The following MARS2 variants were observed in gnomAD, a reference collection of about 807,000 sequenced individuals.
MARS2 encodes methionine--tRNA ligase, mitochondrial.
In MARS2, 33 loss-of-function variants were observed where a neutral mutation model predicts 43.8. The observed-to-expected ratio is 0.75, with a 90% CI of 0.57 to 1.01. The LOEUF is 1.01. Among genes scored for constraint, MARS2 ranks in the 50% least tolerant of loss-of-function variants. MARS2 has a pLI of 0.00. For missense variants in MARS2, 720 were observed against 763.0 expected, an observed-to-expected ratio of 0.94 and a Z score of 0.66; for synonymous variants, 351 against 325.5, an observed-to-expected ratio of 1.08 and a Z score of -0.84.
chr2:197,706,787 CA>C lies in MARS2; in HGVS notation c.1383del (p.Asp462ThrfsTer34), dbSNP rs1239089255. The C allele has an allele frequency of 6.2e-7, 1 of 1,614,140 alleles. No homozygotes were observed. The highest frequency in any genetic ancestry group is 2.2e-5 in the East Asian group (1 of 44,892). The part of the protein sequence containing the change: ...SAVATLPKQV[A>X]DHYDNFRIYK... The stretch of plus-strand genomic sequence containing the variant: ...GTGGCCACTTTGCCAAAGCAGGTAG[CA>C]GACCACTATGATAACTTTCGGATAT... On this transcript the variant is annotated frameshift_variant, in exon 1 of 1. Transcript: ENST00000282276. LOFTEE classifies it high-confidence loss of function.
chr2:197,706,352 A>G lies in MARS2; in HGVS notation c.947A>G (p.His316Arg). Residue 316 changes from histidine to arginine, a missense_variant, in exon 1 of 1, where the codon CAT becomes CGT. His to Arg is a conservative substitution (Grantham distance 29). Coordinates refer to ENST00000282276, the MANE Select transcript of MARS2 (RefSeq NM_138395.4). ...HIIGKDILKF[H>R]AIYWPAFLLG... Reference sequence around the variant, plus strand: ...ATAGGTAAGGACATTCTCAAATTCCATGCCATCTATTGGCCTGCCTTCCTG... The same window carrying G: ...ATAGGTAAGGACATTCTCAAATTCCGTGCCATCTATTGGCCTGCCTTCCTG... 6.2e-7 allele frequency: 1 copy of G among 1,614,264 alleles called. No homozygotes were observed. Among genetic ancestry groups the G allele is most frequent in the Non-Finnish European group, 8.5e-7 (1 of 1,180,056 alleles).
At position 197,705,440 on chromosome 2, in the gene MARS2, G is replaced by C; in HGVS notation, c.35G>C (p.Arg12Pro). The change falls in exon 1 of 1, where the codon CGC (arginine) becomes CCC (proline). Residue 12 changes from arginine to proline, a missense_variant. Coordinates refer to ENST00000282276, the MANE Select transcript of MARS2 (RefSeq NM_138395.4). ...LRTSVLRLLGRTGASRLSLLE... is the reference protein window; with the variant it reads ...LRTSVLRLLGPTGASRLSLLE... ...ACGTCCGTCCTCCGCCTGCTAGGACGCACGGGGGCTAGTAGGCTGTCTCTC... is the reference window on the plus strand; with the variant it reads ...ACGTCCGTCCTCCGCCTGCTAGGACCCACGGGGGCTAGTAGGCTGTCTCTC... 1 of 1,612,116 alleles carries C rather than the reference G, an allele frequency of 6.2e-7. No homozygotes were observed. Among genetic ancestry groups the C allele is most frequent in the Non-Finnish European group, 8.5e-7 (1 of 1,179,746 alleles).
chr2:197,705,730 G>A lies in MARS2; in HGVS notation c.325G>A (p.Ala109Thr), dbSNP rs1365896797. ...IQQAAATAGL[A>T]PTELCDRVSE... Reference sequence around the variant, plus strand: ...GCAGGCAGCAGCTACCGCGGGCCTGGCCCCGACCGAGCTGTGCGACCGAGT... The same window carrying A: ...GCAGGCAGCAGCTACCGCGGGCCTGACCCCGACCGAGCTGTGCGACCGAGT... Residue 109 changes from alanine to threonine, a missense_variant, in exon 1 of 1, where the codon GCC becomes ACC. Transcript: ENST00000282276. The A allele has an allele frequency of 1.2e-6, 2 of 1,611,798 alleles. No individual in the cohort carries two copies. Among genetic ancestry groups the A allele is most frequent in the Admixed American group, 3.3e-5 (2 of 59,994 alleles).
rs768592476 is a variant in MARS2 at position 197,706,719 on chromosome 2, G to T, written c.1314G>T (p.Pro438=). The T allele has an allele frequency of 6.2e-7, 1 of 1,613,954 alleles. No homozygotes were observed. The highest frequency in any genetic ancestry group is 2.2e-5 in the East Asian group (1 of 44,888). ...CFPSEPGLVG[P]SVRAQAEDYA... ...CTAGTGAGCCAGGGTTGGTGGGGCC[G>T]TCAGTTCGTGCTCAGGCAGAGGATT... Residue 438 remains proline (P), a synonymous_variant, in exon 1 of 1, where the codon CCG becomes CCT. Coordinates refer to ENST00000282276, the MANE Select transcript of MARS2 (RefSeq NM_138395.4).
In MARS2 at chr2:197,705,988, G is replaced by C; in HGVS notation, c.583G>C (p.Val195Leu). 6.2e-7 allele frequency: 1 copy of C among 1,614,194 alleles called. No homozygotes were observed. Among genetic ancestry groups the C allele is most frequent in the Non-Finnish European group, 8.5e-7 (1 of 1,180,042 alleles). Reference protein sequence around the residue: ...QPGPSGDSFPVSLESGHPVSW... With the variant: ...QPGPSGDSFPLSLESGHPVSW... ...GGGCCCATCGGGGGATTCGTTTCCT[G>C]TATCTCTCGAGAGCGGGCATCCAGT... Residue 195 changes from valine to leucine, a missense_variant, in exon 1 of 1, where the codon GTA becomes CTA. Coordinates refer to ENST00000282276, the MANE Select transcript of MARS2 (RefSeq NM_138395.4).
Position 197,706,194 on chromosome 2 carries a change from CT to C in MARS2, c.790del (p.Trp264GlyfsTer26). 1 of 1,614,248 alleles carries C rather than the reference CT, an allele frequency of 6.2e-7. No individual in the cohort carries two copies. The highest frequency in any genetic ancestry group is 8.5e-7 in the Non-Finnish European group (1 of 1,180,042). On this transcript the variant is annotated frameshift_variant, in exon 1 of 1. Transcript: ENST00000282276. LOFTEE classifies it high-confidence loss of function. ...TGTCTCGCAGAAGTAGCCACTTGCA[CT>C]GGGGCATTCCGGTGCCCGGGGATGA... is the stretch of plus-strand genomic sequence containing the variant. ...SVSRRSSHLH[W>X]GIPVPGDDSQ...
rs760123109 is a variant in MARS2, at chr2:197,706,242, G to A, written c.837G>A (p.Trp279Ter). The change falls in exon 1 of 1, where the codon TGG becomes TGA. Residue 279 changes from tryptophan (W) to a stop codon, truncating the protein, a stop_gained. Coordinates refer to ENST00000282276, the MANE Select transcript of MARS2 (RefSeq NM_138395.4). LOFTEE classifies it high-confidence loss of function. ...PGDDSQTIYV[W>*]LDALVNYLTV... The stretch of plus-strand genomic sequence containing the variant: ...ATGATTCGCAGACCATCTATGTATG[G>A]CTGGATGCCCTGGTCAACTACCTCA... The A allele has an allele frequency of 5.6e-6, 9 of 1,614,132 alleles. No homozygotes were observed. Among genetic ancestry groups the A allele is most frequent in the Non-Finnish European group, 6.8e-6 (8 of 1,180,056 alleles).
rs2089469782 is a variant in MARS2, at chr2:197,705,811, AT to A, written c.407del (p.Ile136ThrfsTer106). The A allele has an allele frequency of 6.2e-7, 1 of 1,613,574 alleles. No homozygotes were observed. Among genetic ancestry groups the A allele is most frequent in the African/African-American group, 1.3e-5 (1 of 74,914 alleles). On this transcript the variant is annotated frameshift_variant, in exon 1 of 1. Transcript: ENST00000282276. LOFTEE classifies it high-confidence loss of function. Reference sequence around the variant, plus strand: ...GGCCGGTATCTCCTGCACAGATTTCATCCGCACCACGGAGGCCCGGCACCGG... The same window carrying A: ...GGCCGGTATCTCCTGCACAGATTTCACCGCACCACGGAGGCCCGGCACCGG... Reference protein sequence around the residue: ...QEAGISCTDFIRTTEARHRVA... With the variant: ...QEAGISCTDFXRTTEARHRVA...
At position 197,705,948 on chromosome 2, in the gene MARS2, G is replaced by C; in HGVS notation, c.543G>C (p.Lys181Asn). Residue 181 changes from lysine to asparagine, a missense_variant, in exon 1 of 1, where the codon AAG becomes AAC. Transcript: ENST00000282276. Reference protein sequence around the residue: ...ASDECFLPEAKVTQQPGPSGD... With the variant: ...ASDECFLPEANVTQQPGPSGD... ...ACGAGTGCTTCCTGCCTGAGGCCAA[G>C]GTCACCCAGCAGCCGGGCCCATCGG... is the stretch of plus-strand genomic sequence containing the variant. The C allele has an allele frequency of 6.2e-7, 1 of 1,614,168 alleles. No homozygotes were observed. Among genetic ancestry groups the C allele is most frequent in the Non-Finnish European group, 8.5e-7 (1 of 1,180,022 alleles).
chr2:197,705,661 A>T lies in MARS2; in HGVS notation c.256A>T (p.Thr86Ser), dbSNP rs765377144. 5 of 1,611,498 alleles carry T rather than the reference A, an allele frequency of 3.1e-6. No individual in the cohort carries two copies. In the East Asian group the frequency reaches 1.1e-4, roughly 36 times the overall value. Residue 86 changes from threonine (T) to serine (S), a missense_variant, in exon 1 of 1, where the codon ACG (threonine) becomes TCG (serine). By Grantham distance (58) the Thr-to-Ser change is moderately conservative. Transcript: ENST00000282276. ...RRLRGPSTAATRFSTGTDEHG... is the reference protein window; with the variant it reads ...RRLRGPSTAASRFSTGTDEHG... ...CCTCCGAGGTCCCAGCACGGCCGCC[A>T]CGCGATTCTCCACTGGTACCGACGA...
Position 197,705,827 on chromosome 2 carries a change from C to T in MARS2, c.422C>T (p.Ala141Val), listed in dbSNP as rs1395940020. The T allele has an allele frequency of 2.0e-5, 33 of 1,613,732 alleles. No individual in the cohort carries two copies. Among genetic ancestry groups the T allele is most frequent in the Non-Finnish European group, 2.8e-5 (33 of 1,180,050 alleles). ...ACAGATTTCATCCGCACCACGGAGG[C>T]CCGGCACCGGGTGGCTGTGCAGCAC... ...SCTDFIRTTE[A>V]RHRVAVQHFW... is the part of the protein sequence containing the mutation. The change falls in exon 1 of 1, where the codon GCC becomes GTC. Residue 141 changes from alanine (A) to valine (V), a missense_variant. Ala to Val is a moderately conservative substitution (Grantham distance 64, BLOSUM62 0). Coordinates refer to ENST00000282276, the MANE Select transcript of MARS2 (RefSeq NM_138395.4).
chr2:197,707,369 C>A lies in MARS2; in HGVS notation c.*182C>A. The A allele has an allele frequency of 1.6e-6, 1 of 609,604 alleles. No individual in the cohort carries two copies. The highest frequency in any genetic ancestry group is 2.9e-6 in the Non-Finnish European group (1 of 340,244). The allele number at this position is 609,604 out of a possible 1,614,324, so 37.8% of individuals were successfully genotyped here. A position where few individuals can be genotyped will look rare whatever the true frequency, so the allele number is the denominator to read the frequency against. ...CTGCTCCTATTCATTTCTCTGTGACCATTGATCACTGTCCTTTGTGCATTG... is the reference window on the plus strand; with the variant it reads ...CTGCTCCTATTCATTTCTCTGTGACAATTGATCACTGTCCTTTGTGCATTG... On this transcript the variant is annotated 3_prime_UTR_variant, in exon 1 of 1. Transcript: ENST00000282276.
In MARS2 at chr2:197,707,587, T is replaced by C. The variant is rs2089486920; in HGVS notation, c.*400T>C. On this transcript the variant is annotated 3_prime_UTR_variant, in exon 1 of 1. Transcript: ENST00000282276. ...TTTGAGGGTCAGGGTTGGAGGCCCC[T>C]TACTGGTGGTTTTACAGGGGGATCC... The C allele has an allele frequency of 5.1e-6, 1 of 195,716 alleles. No homozygotes were observed. Among genetic ancestry groups the C allele is most frequent in the South Asian group, 1.2e-4 (1 of 8,664 alleles). 12.1% of individuals were successfully genotyped at this position (195,716 alleles called of 1,614,324 possible). A position where few individuals can be genotyped will look rare whatever the true frequency, so the allele number is the denominator to read the frequency against.
rs2089484994 is a variant in MARS2 at position 197,707,324 on chromosome 2, G to A, written c.*137G>A. ...ATAAGCTGTGTCCCTGTGAAAAGAGGTTTGTAGCCTTTCAGGTGCCTGCTC... is the reference window on the plus strand; with the variant it reads ...ATAAGCTGTGTCCCTGTGAAAAGAGATTTGTAGCCTTTCAGGTGCCTGCTC... On this transcript the variant is annotated 3_prime_UTR_variant, in exon 1 of 1. Transcript: ENST00000282276. 1 of 792,556 alleles carries A rather than the reference G, an allele frequency of 1.3e-6. No individual in the cohort carries two copies. The highest frequency in any genetic ancestry group is 1.9e-5 in the South Asian group (1 of 53,022). 49.1% of individuals were successfully genotyped at this position (792,556 alleles called of 1,614,324 possible). A position where few individuals can be genotyped will look rare whatever the true frequency, so the allele number is the denominator to read the frequency against.
rs1461138981 is a variant in MARS2 at position 197,705,398 on chromosome 2, TC to T, written c.-7del. On this transcript the variant is annotated 5_prime_UTR_variant, in exon 1 of 1. Transcript: ENST00000282276. Reference sequence around the variant, plus strand: ...CGCCGCCTCCTCCGCTTGCGGCCGGTCTGCACCATGCTGCGAACGTCCGTCC... The same window carrying T: ...CGCCGCCTCCTCCGCTTGCGGCCGGTTGCACCATGCTGCGAACGTCCGTCC... 6.2e-7 allele frequency: 1 copy of T among 1,603,812 alleles called. No individual in the cohort carries two copies. Among genetic ancestry groups the T allele is most frequent in the African/African-American group, 1.3e-5 (1 of 74,752 alleles).
rs1167928249 is a variant in MARS2, at chr2:197,706,234, T to C, written c.829T>C (p.Tyr277His). Residue 277 changes from tyrosine (Y) to histidine (H), a missense_variant, in exon 1 of 1, where the codon TAT (tyrosine) becomes CAT (histidine). Transcript: ENST00000282276. Reference sequence around the variant, plus strand: ...GCCCGGGGATGATTCGCAGACCATCTATGTATGGCTGGATGCCCTGGTCAA... The same window carrying C: ...GCCCGGGGATGATTCGCAGACCATCCATGTATGGCTGGATGCCCTGGTCAA... ...PVPGDDSQTI[Y>H]VWLDALVNYL... 3 of 1,614,222 alleles carry C rather than the reference T, an allele frequency of 1.9e-6. No homozygotes were observed. The South Asian group carries it at 3.3e-5, about 18-fold the overall frequency.
chr2:197,708,350 T>C lies in MARS2; in HGVS notation c.*1163T>C, dbSNP rs2089492299. ...AATTTTAACTGATTATTTCTTTTGC[T>C]CTTTTAACTTAAGTTATTAAAGTTT... is the stretch of plus-strand genomic sequence containing the variant. On this transcript the variant is annotated 3_prime_UTR_variant, in exon 1 of 1. Transcript: ENST00000282276. 6.0e-6 allele frequency: 1 copy of C among 166,814 alleles called. No individual in the cohort carries two copies. The highest frequency in any genetic ancestry group is 1.5e-5 in the Non-Finnish European group (1 of 68,112). 10.3% of individuals were successfully genotyped at this position (166,814 alleles called of 1,614,324 possible).
At position 197,705,430 on chromosome 2, in the gene MARS2, C is replaced by G; in HGVS notation, c.25C>G (p.Leu9Val). 6.2e-7 allele frequency: 1 copy of G among 1,611,608 alleles called. No individual in the cohort carries two copies. Among genetic ancestry groups the G allele is most frequent in the Middle Eastern group, 1.8e-4 (1 of 5,462 alleles). ...CATGCTGCGAACGTCCGTCCTCCGC[C>G]TGCTAGGACGCACGGGGGCTAGTAG... MLRTSVLR[L>V]LGRTGASRLS... Residue 9 changes from leucine to valine, a missense_variant, in exon 1 of 1, where the codon CTG (leucine) becomes GTG (valine). Transcript: ENST00000282276.
Position 197,705,487 on chromosome 2 carries a change from T to G in MARS2, c.82T>G (p.Tyr28Asp), listed in dbSNP as rs764805688. 2 of 1,613,152 alleles carry G rather than the reference T, an allele frequency of 1.2e-6. No homozygotes were observed. Among genetic ancestry groups the G allele is most frequent in the Non-Finnish European group, 1.7e-6 (2 of 1,179,986 alleles). Residue 28 changes from tyrosine to aspartate, a missense_variant, in exon 1 of 1, where the codon TAC (tyrosine) becomes GAC (aspartate). Transcript: ENST00000282276. Reference sequence around the variant, plus strand: ...TCTCCTGGAGGACTTCGGCCCACGCTACTACAGTTCGGGCTCCCTCAGTGC... The same window carrying G: ...TCTCCTGGAGGACTTCGGCCCACGCGACTACAGTTCGGGCTCCCTCAGTGC... ...LSLLEDFGPR[Y>D]YSSGSLSAGD...
Sources: gnomAD v4.1 joint callset for allele counts on GRCh38, gnomAD v4.1.1 for gene constraint, MANE v1.5 for transcripts, NCBI Gene and HGNC (gene_info 2026-07-23, HGNC 2026-07-21) for gene names.